LILRA2: variants seen among roughly 807,000 people sequenced by gnomAD.
LILRA2 encodes the protein leukocyte immunoglobulin like receptor A2, also known as leukocyte immunoglobulin-like receptor subfamily A member 2.
A neutral mutation model predicts 47.9 loss-of-function variants in LILRA2; 45 were observed. The observed-to-expected ratio is 0.94, with a 90% CI of 0.74 to 1.20. LILRA2 has a LOEUF of 1.20. Ranked by LOEUF, LILRA2 falls within the 50% of genes most tolerant of loss-of-function variation. The probability of loss-of-function intolerance (pLI) is 0.00; values close to 1 mark genes in which losing one functional copy is unlikely to be tolerated. For missense variants in LILRA2, 651 were observed against 598.2 expected (o/e 1.09, Z -0.92); for synonymous variants, 279 against 249.2 (o/e 1.12, Z -1.13).
chr19:54,573,832 A>G lies in LILRA2; in HGVS notation c.-47A>G. 6.2e-7 allele frequency: 1 copy of G among 1,613,926 alleles called. No individual in the cohort carries two copies. Among genetic ancestry groups the G allele is most frequent in the Non-Finnish European group, 8.5e-7 (1 of 1,179,950 alleles). On this transcript the variant is annotated 5_prime_UTR_variant, in exon 1 of 8. Coordinates refer to ENST00000391738, the MANE Select transcript of LILRA2 (RefSeq NM_001130917.3). ...CTGTGCGTCTCTCTGTCCTGCCAGC[A>G]CTGAGGGCTCATCCATCCGCAGAGC...
chr19:54,573,321 C>T, upstream of LILRA2: 1 of 628,382 alleles, frequency 1.6e-6, no homozygotes, highest in Middle Eastern at 3.5e-4. Flanking sequence ...ACACGCAGCT[C>T]AACCTGAGCT....
At chr19:54,587,128 G>A in intron 7 of LILRA2, 68 bp downstream of exon 7, 1 of 1,610,484 alleles carries the variant, frequency 6.2e-7, no homozygotes, top group Non-Finnish European at 8.5e-7. Flanking sequence ...GGGGAGGTGG[G>A]TGCCCTGGGT....
Position 54,575,861 on chromosome 19 carries a change from C to T in LILRA2, c.1007C>T (p.Pro336Leu). 6.2e-7 allele frequency: 1 copy of T among 1,613,834 alleles called. No individual in the cohort carries two copies. Among genetic ancestry groups the T allele is most frequent in the Non-Finnish European group, 8.5e-7 (1 of 1,179,928 alleles). Residue 336 changes from proline (P) to leucine (L), a missense_variant, in exon 6 of 8, where the codon CCA (proline) becomes CTA (leucine). Physicochemically the swap from Pro to Leu is moderately conservative, Grantham distance 98. Transcript: ENST00000391738. ...GTGCAGCCGGTCCCCACAGTAGCCC[C>T]AGGAAAGAACGTGACCCTGCTGTGT... The part of the protein sequence containing the change: ...LSVQPVPTVA[P>L]GKNVTLLCQS...
chr19:54,574,967 G>A lies in LILRA2; in HGVS notation c.589G>A (p.Ala197Thr). 1.2e-6 allele frequency: 2 copies of A among 1,614,262 alleles called. No individual in the cohort carries two copies. The highest frequency in any genetic ancestry group is 1.7e-6 in the Non-Finnish European group (2 of 1,180,036). Residue 197 changes from alanine (A) to threonine (T), a missense_variant, in exon 4 of 8, where the codon GCT (alanine) becomes ACT (threonine). Physicochemically the swap from Ala to Thr is moderately conservative, Grantham distance 58 (BLOSUM62 0). Transcript: ENST00000391738. ...TCGCAGGTGGTCGTACAGGTGCTATGCTTATGACTCGAACTCTCCCTATGT... is the reference window on the plus strand; with the variant it reads ...TCGCAGGTGGTCGTACAGGTGCTATACTTATGACTCGAACTCTCCCTATGT... ...PSRRWSYRCY[A>T]YDSNSPYVWS... is the part of the protein sequence containing the mutation.
chr19:54,581,709 A>G (rs932085557), intron 6 of LILRA2, among the ~76,000 whole-genome samples: 4 of 151,340 alleles, frequency 2.6e-5, no homozygotes, highest in African/African-American at 9.8e-5. Context: ...ATGGGTAAGA[A>G]GAATCAATAT....
Position 54,575,552 on chromosome 19 carries a change from G to A in LILRA2, c.952G>A (p.Gly318Arg), listed in dbSNP as rs757479425. Residue 318 changes from glycine to arginine, a missense_variant and splice_region_variant, in exon 5 of 8, where the codon GGA becomes AGA. By Grantham distance (125) the Gly-to-Arg change is moderately radical (BLOSUM62 -2). Coordinates refer to ENST00000391738, the MANE Select transcript of LILRA2 (RefSeq NM_001130917.3). Reference protein sequence around the residue: ...PSDPLDILITGQFYDRPSLSV... With the variant: ...PSDPLDILITRQFYDRPSLSV... Reference sequence around the variant, plus strand: ...TGACCCCCTGGACATCCTGATCACAGGTGAGGAGCCCAGCGGGTTCAGTCA... The same window carrying A: ...TGACCCCCTGGACATCCTGATCACAAGTGAGGAGCCCAGCGGGTTCAGTCA... 1.2e-6 allele frequency: 2 copies of A among 1,612,008 alleles called. No homozygotes were observed. The highest frequency in any genetic ancestry group is 1.3e-5 in the African/African-American group (1 of 74,948).
At chr19:54,581,721 G>A (rs12984280) in intron 6 of LILRA2, among the ~76,000 whole-genome samples, 14,209 of 150,718 alleles carry the variant, frequency 0.094, 805 homozygotes, top group Middle Eastern at 0.18. Flanking sequence ...AATCAATATC[G>A]TGAAAATGGC....
upstream of LILRA2, chr19:54,573,572 T>A: frequency 2.7e-6 from 2 of 749,724 alleles, no homozygotes; most frequent in Non-Finnish European, 4.5e-6. Context: ...ACCAGTTCTA[T>A]TTGCTGCTAC....
In LILRA2 at chr19:54,575,422, G is replaced by A. The variant is rs1209631046; in HGVS notation, c.822G>A (p.Gly274=). Residue 274 remains glycine (G), a synonymous_variant, in exon 5 of 8, where the codon GGG becomes GGA. Transcript: ENST00000391738. Reference sequence around the variant, plus strand: ...GCCCTGGTTGGCAGCCCCAGGCTGGGCTCTCCCAGGCCAACTTCACCCTGG... The same window carrying A: ...GCCCTGGTTGGCAGCCCCAGGCTGGACTCTCCCAGGCCAACTTCACCCTGG... ...LQRPGWQPQA[G]LSQANFTLGP... 6.2e-7 allele frequency: 1 copy of A among 1,614,000 alleles called. No homozygotes were observed. The highest frequency in any genetic ancestry group is 1.3e-5 in the African/African-American group (1 of 75,016).
chr19:54,584,884 C>T (rs1245944636), intron 6 of LILRA2, among the ~76,000 whole-genome samples: 2 of 152,194 alleles, frequency 1.3e-5, no homozygotes, highest in Admixed American at 6.5e-5. Flanking sequence ...AGCTTTTCTG[C>T]TCTGGTTTCT....
At chr19:54,585,540 G>A (rs546423946) in intron 6 of LILRA2, among the ~76,000 whole-genome samples, 6 of 152,304 alleles carry the variant, frequency 3.9e-5, no homozygotes, top group South Asian at 4.1e-4. Flanking sequence ...ATCGCAGGTC[G>A]ATCTCAGACT....
intron 6 of LILRA2, among the ~76,000 whole-genome samples, chr19:54,579,561 CT>C (rs1391308004): frequency 6.6e-6 from 1 of 152,040 alleles, no homozygotes; most frequent in Non-Finnish European, 1.5e-5. Flanking sequence ...CAACTTTGTT[CT>C]TTTTGCTTAG....
chr19:54,585,807 C>G (rs562705139), intron 6 of LILRA2, among the ~76,000 whole-genome samples: 1 of 152,294 alleles, frequency 6.6e-6, no homozygotes, highest in African/African-American at 2.4e-5. Flanking sequence ...CAGCCACAGT[C>G]CAACCAGTCC....
chr19:54,585,454 C>A (rs1252714053), intron 6 of LILRA2, among the ~76,000 whole-genome samples: 2 of 152,218 alleles, frequency 1.3e-5, no homozygotes, highest in East Asian at 3.8e-4. Context: ...TTCGTGCTTC[C>A]AGGCATCTTT....
Position 54,586,850 on chromosome 19 carries a change from T to C in LILRA2, c.1256-160T>C, listed in dbSNP as rs141106964. ...TTTGTAGAACACAGGAAGTCTGAAA[T>C]AATTCAATGAGGAGACTGGAGGGAA... On this transcript the variant is annotated intron_variant, in intron 6 of 7. Transcript: ENST00000391738. Among the ~76,000 whole-genome samples the C allele has an allele frequency of 3.6e-3, 555 of 152,192 alleles. No homozygotes were observed. In the South Asian group the frequency reaches 0.073, roughly 20 times the overall value.
At chr19:54,573,076 CAGGCCGA>C (rs1217822370), upstream of LILRA2, 3 of 223,170 alleles carry the variant, frequency 1.3e-5, no homozygotes, top group East Asian at 3.2e-4. Context: ...CTCCGCCTCC[CAGGCCGA>C]AGTATTCCTC....
At chr19:54,583,185 G>A (rs1050294291) in intron 6 of LILRA2, among the ~76,000 whole-genome samples, 9 of 151,072 alleles carry the variant, frequency 6.0e-5, no homozygotes, top group African/African-American at 2.2e-4. Flanking sequence ...CTGAGGAGTG[G>A]TTTACTACCA....
intron 6 of LILRA2, 142 bp from the exon 7 acceptor site, chr19:54,586,868 G>A: frequency 1.7e-6 from 1 of 576,934 alleles, no homozygotes; most frequent in South Asian, 2.6e-5. Flanking sequence ...TGAGGAGACT[G>A]GAGGGAACCC....
Position 54,575,324 on chromosome 19 carries a change from C to G in LILRA2, c.724C>G (p.Leu242Val). The change falls in exon 5 of 8, where the codon CTC becomes GTC. Residue 242 changes from leucine to valine, a missense_variant. Transcript: ENST00000391738. ...GGTGGCCCCTGGGGAGAGCCTGACC[C>G]TCCAGTGTGTCTCTGATGTCGGCTA... ...PMVAPGESLT[L>V]QCVSDVGYDR... The G allele has an allele frequency of 2.6e-6, 4 of 1,525,200 alleles. No individual in the cohort carries two copies. Among genetic ancestry groups the G allele is most frequent in the Non-Finnish European group, 3.6e-6 (4 of 1,120,920 alleles). 94.5% of individuals were successfully genotyped at this position (1,525,200 alleles called of 1,614,324 possible).
Sources: gnomAD v4.1 joint callset for allele counts (sites outside exome capture counted in the v4.1 genomes callset) on GRCh38, gnomAD v4.1.1 for gene constraint, MANE v1.5 for transcripts, NCBI Gene and HGNC (gene_info 2026-07-23, HGNC 2026-07-21) for gene names.